The following CRIM1 variants were observed in gnomAD, a reference collection of about 807,000 sequenced individuals.
CRIM1 encodes cysteine rich transmembrane BMP regulator 1.
In CRIM1, 32 loss-of-function variants were observed where a neutral mutation model predicts 116.4. The ratio of observed to expected loss-of-function variants is 0.27; its 90% CI spans 0.21 to 0.37. CRIM1 has a LOEUF of 0.37. CRIM1 is among the 10% of genes least tolerant of loss of function. The probability of loss-of-function intolerance (pLI) is 1.00; values close to 1 mark genes in which losing one functional copy is unlikely to be tolerated. For missense variants in CRIM1, 1,331 were observed against 1,354.8 expected, an observed-to-expected ratio of 0.98 and a Z score of 0.28; for synonymous variants, 590 against 509.2, an observed-to-expected ratio of 1.16 and a Z score of -2.13.
intron 10 of CRIM1, chr2:36,513,191 T>C: frequency 4.2e-6 from 1 of 239,978 alleles, no homozygotes; most frequent in Non-Finnish European, 8.2e-6. Flanking sequence ...GCCCAGGATG[T>C]CCCCATTGGA....
chr2:36,437,278 G>C (rs979183156), intron 2 of CRIM1, among the ~76,000 whole-genome samples: 3 of 152,146 alleles, frequency 2.0e-5, no homozygotes, highest in African/African-American at 7.2e-5. Context: ...CGGAGGCTGA[G>C]GCAGGAGAAT....
chr2:36,461,112 G>T (rs754077972), intron 4 of CRIM1, among the ~76,000 whole-genome samples: 8 of 152,166 alleles, frequency 5.3e-5, no homozygotes, highest in Non-Finnish European at 1.2e-4. Flanking sequence ...GAGGAGTAAT[G>T]GAAGATAAAT....
intron 2 of CRIM1, among the ~76,000 whole-genome samples, chr2:36,404,802 T>C (rs573952621): frequency 1.3e-5 from 2 of 152,228 alleles, no homozygotes; most frequent in Non-Finnish European, 2.9e-5. Flanking sequence ...TTTTCATTTT[T>C]AAAAGCGCAG....
At chr2:36,379,903 T>TA (rs34543532) in intron 1 of CRIM1, among the ~76,000 whole-genome samples, 3,966 of 139,696 alleles carry the variant, frequency 0.028, 88 homozygotes, top group South Asian at 0.083. Flanking sequence ...ATGGTTTGGT[T>TA]AAAAAAAAAA....
At chr2:36,381,110 C>T (rs996823156) in intron 1 of CRIM1, among the ~76,000 whole-genome samples, 1 of 152,184 alleles carries the variant, frequency 6.6e-6, no homozygotes, top group African/African-American at 2.4e-5. Context: ...TTCTTGCCCC[C>T]GCCCCTACCC....
At chr2:36,473,612 A>G (rs1173448956) in intron 5 of CRIM1, among the ~76,000 whole-genome samples, 1 of 152,154 alleles carries the variant, frequency 6.6e-6, no homozygotes, top group Non-Finnish European at 1.5e-5. Flanking sequence ...AAGTAGAGTT[A>G]TATAATATTA....
chr2:36,417,113 G>T (rs1209919475), intron 2 of CRIM1, among the ~76,000 whole-genome samples: 1 of 152,164 alleles, frequency 6.6e-6, no homozygotes, highest in Non-Finnish European at 1.5e-5. Context: ...ATTCTGCATG[G>T]TGCAGATGTT....
At chr2:36,425,573 A>G (rs1017945968) in intron 2 of CRIM1, among the ~76,000 whole-genome samples, 2 of 152,232 alleles carry the variant, frequency 1.3e-5, no homozygotes, top group African/African-American at 4.8e-5. Flanking sequence ...TTGCTTCACA[A>G]TAACATAATT....
In CRIM1 at chr2:36,513,732, A is replaced by G. The variant is rs1572903660; in HGVS notation, c.1957A>G (p.Ile653Val). ...CPVPACGNPT[I>V]HPGQCCPSCA... Reference sequence around the variant, plus strand: ...GGTGCCTGCCTGTGGCAACCCCACCATTCACCCTGGACAGTGCTGCCCATC... The same window carrying G: ...GGTGCCTGCCTGTGGCAACCCCACCGTTCACCCTGGACAGTGCTGCCCATC... The change falls in exon 11 of 17, where the codon ATT becomes GTT. Residue 653 changes from isoleucine to valine, a missense_variant. Around this residue, in one of 3 missense-constraint regions of CRIM1, gnomAD observed 358 missense variants for 436.1 expected, o/e 0.82. Transcript: ENST00000280527. 1 of 1,614,186 alleles carries G rather than the reference A, an allele frequency of 6.2e-7. No individual in the cohort carries two copies. Among genetic ancestry groups the G allele is most frequent in the Non-Finnish European group, 8.5e-7 (1 of 1,180,022 alleles).
intron 1 of CRIM1, among the ~76,000 whole-genome samples, chr2:36,376,256 C>CA (rs1670310092): frequency 6.6e-6 from 1 of 152,170 alleles, no homozygotes; most frequent in East Asian, 1.9e-4. Context: ...TATTTATTGC[C>CA]AAAAGCTTCT....
At position 36,550,037 on chromosome 2, in the gene CRIM1, ATGTATGTGTGTGTGTGTGTG is replaced by A; in HGVS notation, c.*1340_*1359del. ...ATTGGAAAGATGTGTGTGTGAGAGT[ATGTATGTGTGTGTGTGTGTG>A]TGTGTGTGTGCGCGCGCACGCACGC... On this transcript the variant is annotated 3_prime_UTR_variant, in exon 17 of 17. Transcript: ENST00000280527. 6.9e-6 allele frequency: 1 copy of A among 145,760 alleles called. No homozygotes were observed. The highest frequency in any genetic ancestry group is 2.0e-4 in the East Asian group (1 of 4,940). 9.0% of individuals were successfully genotyped at this position (145,760 alleles called of 1,614,324 possible).
intron 13 of CRIM1, chr2:36,529,160 A>T: frequency 2.1e-6 from 1 of 471,350 alleles, no homozygotes; most frequent in Non-Finnish European, 4.4e-6. Flanking sequence ...CAGGAGGCCA[A>T]ACCTGATTTT....
intron 1 of CRIM1, among the ~76,000 whole-genome samples, chr2:36,375,484 G>C (rs997796055): frequency 3.9e-5 from 6 of 152,126 alleles, no homozygotes; most frequent in Admixed American, 1.3e-4. Flanking sequence ...AAATCACCAG[G>C]CTTCAAATAT....
intron 5 of CRIM1, among the ~76,000 whole-genome samples, chr2:36,466,908 G>A (rs1489222959): frequency 6.6e-6 from 1 of 152,152 alleles, no homozygotes; most frequent in African/African-American, 2.4e-5. Flanking sequence ...GAACCGGAGT[G>A]CCCTTCTTCT....
chr2:36,487,102 G>A (rs1679878892), intron 7 of CRIM1, among the ~76,000 whole-genome samples: 1 of 152,098 alleles, frequency 6.6e-6, no homozygotes, highest in Admixed American at 6.6e-5. Flanking sequence ...TAATCATACT[G>A]CCCAATGTTC....
chr2:36,357,522 G>A (rs1019931490), intron 1 of CRIM1, among the ~76,000 whole-genome samples: 1 of 152,190 alleles, frequency 6.6e-6, no homozygotes, highest in Non-Finnish European at 1.5e-5. Flanking sequence ...GCCAATGTTA[G>A]TGCGTGTTGG....
At chr2:36,407,977 T>C (rs1025814320) in intron 2 of CRIM1, among the ~76,000 whole-genome samples, 15 of 152,190 alleles carry the variant, frequency 9.9e-5, no homozygotes, top group African/African-American at 2.9e-4. Context: ...CCATCTCTTC[T>C]GTCCAAAGAT....
intron 2 of CRIM1, among the ~76,000 whole-genome samples, chr2:36,426,239 C>G (rs770624995): frequency 1.3e-5 from 2 of 152,168 alleles, no homozygotes; most frequent in Non-Finnish European, 2.9e-5. Flanking sequence ...AGTGAGTGTA[C>G]TGGCCAGTGT....
At chr2:36,400,978 G>A (rs931417138) in intron 2 of CRIM1, among the ~76,000 whole-genome samples, 3 of 152,076 alleles carry the variant, frequency 2.0e-5, no homozygotes, top group Non-Finnish European at 4.4e-5. Context: ...GCAGTGGTGG[G>A]GATAGGGCAA....
Sources: allele counts gnomAD v4.1 joint callset (sites outside exome capture counted in the v4.1 genomes callset), GRCh38; gene constraint gnomAD v4.1.1; regional missense constraint gnomAD v4.1.1; transcripts MANE v1.5; gene names NCBI Gene and HGNC (gene_info 2026-07-23, HGNC 2026-07-21).